Variants in EDAR observed in about 807,000 individuals in gnomAD.
EDAR encodes the protein ectodysplasin A receptor.
A neutral mutation model predicts 51.3 loss-of-function variants in EDAR; 38 were observed. The observed-to-expected ratio is 0.74, with a 90% CI of 0.57 to 0.97. The LOEUF (loss-of-function observed/expected upper bound fraction) is 0.97, where lower values mean the gene tolerates loss of function less well. Among genes scored for constraint, EDAR ranks in the 50% least tolerant of loss-of-function variants. EDAR has a pLI of 0.00. For synonymous variants in EDAR, 227 were observed against 242.1 expected, an observed-to-expected ratio of 0.94 and a Z score of 0.58; for missense variants, 528 against 595.0, an observed-to-expected ratio of 0.89 and a Z score of 1.17.
chr2:108,944,155 C>G (rs914383097), intron 1 of EDAR, among the ~76,000 whole-genome samples: 1 of 152,222 alleles, frequency 6.6e-6, no homozygotes, highest in Admixed American at 6.5e-5. Context: ...GCTCTGTCAG[C>G]CAGGCTGGAG....
intron 1 of EDAR, among the ~76,000 whole-genome samples, chr2:108,950,362 C>T (rs779049520): frequency 1.3e-5 from 2 of 151,988 alleles, no homozygotes; most frequent in African/African-American, 2.4e-5. Context: ...ATGATCCTCC[C>T]GCCTCAGCCT....
intron 1 of EDAR, among the ~76,000 whole-genome samples, chr2:108,971,353 G>A (rs1004496292): frequency 4.6e-5 from 7 of 152,094 alleles, no homozygotes; most frequent in Non-Finnish European, 7.4e-5. Flanking sequence ...ATTTCAGGCC[G>A]CACCCGAGAC....
chr2:108,897,099 C>A lies in EDAR; in HGVS notation c.1155G>T (p.Arg385Ser). 1.9e-6 allele frequency: 3 copies of A among 1,614,146 alleles called. No homozygotes were observed. The highest frequency in any genetic ancestry group is 2.5e-6 in the Non-Finnish European group (3 of 1,180,016). The change falls in exon 12 of 12, where the codon AGG (arginine) becomes AGT (serine). Residue 385 changes from arginine (R) to serine (S), a missense_variant. Physicochemically the swap from Arg to Ser is moderately radical, Grantham distance 110 (BLOSUM62 -1). Transcript: ENST00000258443. ...RHLAESFGLK[R>S]DEIGGMTDGM... ...CGTCTGTCATGCCCCCAATCTCATC[C>A]CTCTTCAGGCCGAAGCTCTCGGCGA...
At chr2:108,979,335 CTT>C (rs1698380914) in intron 1 of EDAR, among the ~76,000 whole-genome samples, 1 of 152,190 alleles carries the variant, frequency 6.6e-6, no homozygotes, top group Admixed American at 6.5e-5. Context: ...CTCCAACACT[CTT>C]GTTTGCTGGG....
chr2:108,984,192 C>G lies in EDAR; in HGVS notation c.-19+4768G>C, dbSNP rs115372121. On this transcript the variant is annotated intron_variant, in intron 1 of 11. Coordinates refer to ENST00000258443, the MANE Select transcript of EDAR (RefSeq NM_022336.4). ...AAATGGATCATTCCTCTCCTGCCACCCTTCCTGCTGCCTGCCCTTCCTGCC... is the reference window on the plus strand; with the variant it reads ...AAATGGATCATTCCTCTCCTGCCACGCTTCCTGCTGCCTGCCCTTCCTGCC... 2.5e-3 allele frequency among the ~76,000 whole-genome samples: 385 copies of G among 152,266 alleles called. 1 individual carries two copies. The highest frequency in any genetic ancestry group is 8.4e-3 in the African/African-American group (351 of 41,560).
chr2:108,927,263 G>A (rs902540349), intron 4 of EDAR, among the ~76,000 whole-genome samples: 2 of 152,180 alleles, frequency 1.3e-5, no homozygotes, highest in Admixed American at 6.5e-5. Flanking sequence ...TGAGAGTGGT[G>A]TGGACTGAGC....
intron 1 of EDAR, among the ~76,000 whole-genome samples, chr2:108,932,107 T>C (rs376790916): frequency 3.3e-5 from 5 of 152,226 alleles, no homozygotes; most frequent in Non-Finnish European, 7.4e-5. Context: ...AAAAACACCG[T>C]GACGAACATA....
chr2:108,981,343 C>T (rs995969573), intron 1 of EDAR, among the ~76,000 whole-genome samples: 7 of 152,220 alleles, frequency 4.6e-5, no homozygotes, highest in African/African-American at 1.7e-4. Flanking sequence ...CCACCAGGAC[C>T]AGTCCACCCC....
At chr2:108,927,687 C>T (rs1449647155) in intron 4 of EDAR, among the ~76,000 whole-genome samples, 1 of 152,144 alleles carries the variant, frequency 6.6e-6, no homozygotes, top group Non-Finnish European at 1.5e-5. Context: ...TGCATAGTGA[C>T]TTCCCAGCTC....
chr2:108,963,957 A>G (rs955446149), intron 1 of EDAR, among the ~76,000 whole-genome samples: 1 of 152,140 alleles, frequency 6.6e-6, no homozygotes, highest in Non-Finnish European at 1.5e-5. Flanking sequence ...CACTTCTTGG[A>G]CCATTTTCCT....
At chr2:108,929,051 T>C (rs1697311650) in intron 4 of EDAR, 147 bp downstream of exon 4, 2 of 927,660 alleles carry the variant, frequency 2.2e-6, no homozygotes, top group Non-Finnish European at 3.4e-6. Flanking sequence ...TGGATGCTGC[T>C]CCTTGTGGGA....
intron 5 of EDAR, among the ~76,000 whole-genome samples, chr2:108,921,073 A>AC (rs1403081941): frequency 2.0e-5 from 3 of 151,422 alleles, no homozygotes; most frequent in African/African-American, 7.3e-5. Context: ...GTCATAAGAA[A>AC]CCCCCAGGGT....
At chr2:108,975,601 C>T (rs1417843557) in intron 1 of EDAR, among the ~76,000 whole-genome samples, 1 of 152,172 alleles carries the variant, frequency 6.6e-6, no homozygotes, top group Admixed American at 6.5e-5. Flanking sequence ...AGGGCAGCAG[C>T]TTTGGGGAGG....
At chr2:108,974,676 G>A (rs879288771) in intron 1 of EDAR, among the ~76,000 whole-genome samples, 3 of 152,082 alleles carry the variant, frequency 2.0e-5, no homozygotes, top group African/African-American at 2.4e-5. Flanking sequence ...GTTTCAGTGA[G>A]CCGAGATAGC....
intron 1 of EDAR, among the ~76,000 whole-genome samples, chr2:108,949,245 G>A (rs1426305834): frequency 2.2e-4 from 34 of 152,184 alleles, no homozygotes; most frequent in Admixed American, 2.2e-3. Flanking sequence ...CCCTCCCAAA[G>A]TGCTAGGATT....
At chr2:108,983,162 C>T (rs944224147) in intron 1 of EDAR, among the ~76,000 whole-genome samples, 6 of 152,172 alleles carry the variant, frequency 3.9e-5, no homozygotes, top group African/African-American at 1.4e-4. Context: ...AGGCTTTCTG[C>T]AGAGGATGCC....
intron 1 of EDAR, among the ~76,000 whole-genome samples, chr2:108,965,375 G>A (rs1458877089): frequency 6.6e-6 from 1 of 151,610 alleles, no homozygotes; most frequent in Non-Finnish European, 1.5e-5. Context: ...CAGCTACTCG[G>A]GAGGCTGAGG....
chr2:108,980,791 C>G (rs1353251943), intron 1 of EDAR, among the ~76,000 whole-genome samples: 1 of 152,142 alleles, frequency 6.6e-6, no homozygotes, highest in African/African-American at 2.4e-5. Flanking sequence ...AGAGTGGGGT[C>G]ACGGTGTCAC....
At chr2:108,901,400 C>T (rs1195651114) in intron 11 of EDAR, among the ~76,000 whole-genome samples, 1 of 152,042 alleles carries the variant, frequency 6.6e-6, no homozygotes, top group Non-Finnish European at 1.5e-5. Context: ...ATCTAAGCTC[C>T]CATTTCAAGC....
Sources: gnomAD v4.1 joint callset for allele counts (sites outside exome capture counted in the v4.1 genomes callset) on GRCh38, gnomAD v4.1.1 for gene constraint, MANE v1.5 for transcripts, NCBI Gene and HGNC (gene_info 2026-07-23, HGNC 2026-07-21) for gene names.